LDLRAD3: variants seen among roughly 807,000 people sequenced by gnomAD.
The protein encoded by LDLRAD3 is low-density lipoprotein receptor class A domain-containing protein 3.
Under a neutral mutation model 29.4 loss-of-function variants are expected in LDLRAD3, and 20 were observed. That is an observed-to-expected ratio of 0.68 (90% confidence interval 0.48 to 0.99). LDLRAD3 has a LOEUF of 0.99. LDLRAD3 is among the 50% of genes least tolerant of loss of function. The probability of loss-of-function intolerance (pLI) is 0.00; values close to 1 mark genes in which losing one functional copy is unlikely to be tolerated. For synonymous variants in LDLRAD3, 157 were observed against 192.7 expected (o/e 0.81, Z 1.53); for missense variants, 420 against 454.3 (o/e 0.92, Z 0.69).
At chr11:36,201,341 T>C (rs1369117731) in intron 4 of LDLRAD3, among the ~76,000 whole-genome samples, 3 of 152,214 alleles carry the variant, frequency 2.0e-5, no homozygotes, top group African/African-American at 7.2e-5. Flanking sequence ...GCTTGACAAG[T>C]ACAACACTGC....
intron 2 of LDLRAD3, among the ~76,000 whole-genome samples, chr11:36,072,748 G>GT (rs1200234423): frequency 1.3e-5 from 2 of 152,224 alleles, no homozygotes; most frequent in African/African-American, 4.8e-5. Context: ...GTGAGAATTA[G>GT]TTACTGAGTG....
intron 1 of LDLRAD3, among the ~76,000 whole-genome samples, chr11:36,000,828 C>T (rs1255001457): frequency 1.6e-4 from 24 of 152,110 alleles, no homozygotes; most frequent in Admixed American, 1.5e-3. Flanking sequence ...GGCCAGGAGG[C>T]TGGATAGGAG....
chr11:36,003,387 C>T (rs146806242), intron 1 of LDLRAD3, among the ~76,000 whole-genome samples: 1 of 152,328 alleles, frequency 6.6e-6, no homozygotes, highest in East Asian at 1.9e-4. Flanking sequence ...CTCAGCCTTT[C>T]CTGTTGAAGC....
chr11:36,090,877 G>T (rs1414099332), intron 3 of LDLRAD3, among the ~76,000 whole-genome samples: 1 of 152,164 alleles, frequency 6.6e-6, no homozygotes, highest in Non-Finnish European at 1.5e-5. Context: ...GTAGCCTTGG[G>T]GCTGGGAGAG....
At chr11:36,014,731 C>A (rs1188152606) in intron 1 of LDLRAD3, among the ~76,000 whole-genome samples, 1 of 152,232 alleles carries the variant, frequency 6.6e-6, no homozygotes, top group African/African-American at 2.4e-5. Flanking sequence ...GTTCAGACAT[C>A]TCCCTTGGCT....
chr11:35,969,322 A>G (rs1437904075), intron 1 of LDLRAD3, among the ~76,000 whole-genome samples: 2 of 152,166 alleles, frequency 1.3e-5, no homozygotes, highest in East Asian at 1.9e-4. Context: ...TCCTCTTTTA[A>G]TGGAAGCTCT....
intron 4 of LDLRAD3, among the ~76,000 whole-genome samples, chr11:36,111,281 G>A (rs1453546737): frequency 3.3e-5 from 5 of 152,126 alleles, no homozygotes; most frequent in African/African-American, 1.2e-4. Flanking sequence ...TCGGGGAATC[G>A]TAGACCTGTG....
intron 4 of LDLRAD3, among the ~76,000 whole-genome samples, chr11:36,149,686 C>G (rs1854248435): frequency 6.6e-6 from 1 of 152,178 alleles, no homozygotes; most frequent in African/African-American, 2.4e-5. Context: ...CCACGTTTGT[C>G]TCAGTTGGTA....
chr11:36,083,129 C>A (rs377164165), intron 3 of LDLRAD3, among the ~76,000 whole-genome samples: 2 of 152,202 alleles, frequency 1.3e-5, no homozygotes, highest in South Asian at 4.1e-4. Context: ...TCAATATCCT[C>A]GGCCAGTGTG....
intron 4 of LDLRAD3, among the ~76,000 whole-genome samples, chr11:36,190,455 G>A (rs1311930241): frequency 6.6e-6 from 1 of 152,082 alleles, no homozygotes; most frequent in African/African-American, 2.4e-5. Flanking sequence ...AGTTATGATT[G>A]CACCACTGCA....
chr11:36,154,096 G>A (rs1192513315), intron 4 of LDLRAD3, among the ~76,000 whole-genome samples: 2 of 152,098 alleles, frequency 1.3e-5, no homozygotes, highest in Non-Finnish European at 2.9e-5. Context: ...GGCATAAACT[G>A]CTTGACTTCC....
chr11:36,203,463 T>A (rs185913773), intron 4 of LDLRAD3, among the ~76,000 whole-genome samples: 183 of 152,304 alleles, frequency 1.2e-3, no homozygotes, highest in African/African-American at 4.2e-3. Context: ...GTGGTCTGTG[T>A]TGGATGTCAG....
rs373663986 is a variant in LDLRAD3, at chr11:36,097,329, G to A, written c.320-998G>A. 2.6e-5 allele frequency among the ~76,000 whole-genome samples: 4 copies of A among 152,204 alleles called. No individual in the cohort carries two copies. In the South Asian group the frequency reaches 8.3e-4, roughly 31 times the overall value. On this transcript the variant is annotated intron_variant, in intron 3 of 5. Transcript: ENST00000315571. Reference sequence around the variant, plus strand: ...TTAGGGAACTGGAAGTATCCTACACGGCTGTGGGATCAGATCATGTCATTA... The same window carrying A: ...TTAGGGAACTGGAAGTATCCTACACAGCTGTGGGATCAGATCATGTCATTA...
intron 1 of LDLRAD3, among the ~76,000 whole-genome samples, chr11:36,014,696 C>T (rs571302818): frequency 2.4e-4 from 36 of 152,274 alleles, no homozygotes; most frequent in Non-Finnish European, 3.5e-4. Flanking sequence ...AGAATTATTA[C>T]GGCAGAAAAG....
intron 4 of LDLRAD3, among the ~76,000 whole-genome samples, chr11:36,127,313 A>G (rs1853852423): frequency 6.6e-6 from 1 of 152,244 alleles, no homozygotes; most frequent in Non-Finnish European, 1.5e-5. Context: ...TGAATAGTTT[A>G]TGGTGAAAGT....
At chr11:36,121,856 C>G (rs917125855) in intron 4 of LDLRAD3, among the ~76,000 whole-genome samples, 1 of 152,244 alleles carries the variant, frequency 6.6e-6, no homozygotes, top group Non-Finnish European at 1.5e-5. Flanking sequence ...GCACCTCCCA[C>G]CTGCCATCGG....
At chr11:36,199,611 G>A (rs908561634) in intron 4 of LDLRAD3, among the ~76,000 whole-genome samples, 16 of 151,868 alleles carry the variant, frequency 1.1e-4, no homozygotes, top group African/African-American at 2.2e-4. Flanking sequence ...GCGCGCACAC[G>A]CTTTCTGGCT....
At chr11:36,162,393 G>A (rs1247187495) in intron 4 of LDLRAD3, among the ~76,000 whole-genome samples, 1 of 152,170 alleles carries the variant, frequency 6.6e-6, no homozygotes, top group Non-Finnish European at 1.5e-5. Flanking sequence ...CTGTCACTGT[G>A]CACCATGTCT....
chr11:36,033,431 T>C (rs962738131), intron 1 of LDLRAD3, among the ~76,000 whole-genome samples: 1 of 152,216 alleles, frequency 6.6e-6, no homozygotes, highest in Non-Finnish European at 1.5e-5. Context: ...GCCAGCCTTA[T>C]TGACTCTCAG....
Sources: gnomAD v4.1 joint callset for allele counts (sites outside exome capture counted in the v4.1 genomes callset) on GRCh38, gnomAD v4.1.1 for gene constraint, MANE v1.5 for transcripts, NCBI Gene and HGNC (gene_info 2026-07-23, HGNC 2026-07-21) for gene names.